The following OR10Z1 variants were observed in gnomAD, a reference collection of about 807,000 sequenced individuals.
The protein encoded by OR10Z1 is olfactory receptor 10Z1.
For synonymous variants in OR10Z1, 187 were observed against 151.2 expected, an observed-to-expected ratio of 1.24 and a Z score of -1.74; for missense variants, 468 against 371.0, an observed-to-expected ratio of 1.26 and a Z score of -2.15.
intron 1 of OR10Z1, 103 bp from the exon 2 acceptor site, chr1:158,606,223 T>C: frequency 7.0e-6 from 4 of 567,698 alleles, no homozygotes; most frequent in South Asian, 4.7e-5. Context: ...TATGTGTATA[T>C]GTACATACAG....
rs1255505810 is a variant in OR10Z1, at chr1:158,609,518, T to C, written c.*2138T>C. On this transcript the variant is annotated 3_prime_UTR_variant, in exon 2 of 2. Coordinates refer to ENST00000641002, the MANE Select transcript of OR10Z1 (RefSeq NM_001004478.2). ...CACAGTGACGAATGGTTAGTAAGGA[T>C]GTTTCAAGTATTGCTAAGTAATACT... 6.6e-6 allele frequency: 1 copy of C among 152,178 alleles called. No homozygotes were observed. The highest frequency in any genetic ancestry group is 2.4e-5 in the African/African-American group (1 of 41,448). The allele number at this position is 152,178 out of a possible 1,614,324, so 9.4% of individuals were successfully genotyped here.
In OR10Z1 at chr1:158,611,244, G is replaced by C. The variant is rs534141025; in HGVS notation, c.*3864G>C. Reference sequence around the variant, plus strand: ...TTCCCACGACACTAAGATTTTCTACGATCCACGAGGAGCTGCTTATTAGTT... The same window carrying C: ...TTCCCACGACACTAAGATTTTCTACCATCCACGAGGAGCTGCTTATTAGTT... On this transcript the variant is annotated 3_prime_UTR_variant, in exon 2 of 2. Coordinates refer to ENST00000641002, the MANE Select transcript of OR10Z1 (RefSeq NM_001004478.2). 6.2e-7 allele frequency: 1 copy of C among 1,611,282 alleles called. No homozygotes were observed. Among genetic ancestry groups the C allele is most frequent in the Non-Finnish European group, 8.5e-7 (1 of 1,178,528 alleles).
rs867313542 is a variant in OR10Z1, at chr1:158,610,923, A to C, written c.*3543A>C. The C allele has an allele frequency of 7.9e-5, 17 of 214,252 alleles. 1 individual carries two copies. In the Middle Eastern group the frequency reaches 5.6e-3, roughly 71 times the overall value. 13.3% of individuals were successfully genotyped at this position (214,252 alleles called of 1,614,324 possible). A position where few individuals can be genotyped will look rare whatever the true frequency, so the allele number is the denominator to read the frequency against. ...TTTGCCCCAAAAAATATTTTTAAAA[A>C]GAATTACTTTATTCTATAATCGGAA... On this transcript the variant is annotated 3_prime_UTR_variant, in exon 2 of 2. Coordinates refer to ENST00000641002, the MANE Select transcript of OR10Z1 (RefSeq NM_001004478.2).
Position 158,606,520 on chromosome 1 carries a change from T to C in OR10Z1, c.82T>C (p.Phe28Leu). 6.2e-7 allele frequency: 1 copy of C among 1,614,028 alleles called. No individual in the cohort carries two copies. Among genetic ancestry groups the C allele is most frequent in the Non-Finnish European group, 8.5e-7 (1 of 1,179,924 alleles). ...SSSGELQLLL[F>L]ALFLSLYLVT... ...TTCTGGGGAGTTGCAGCTCCTTCTC[T>C]TTGCCTTGTTCCTCTCTCTGTATCT... Residue 28 changes from phenylalanine (F) to leucine (L), a missense_variant, in exon 2 of 2, where the codon TTT becomes CTT. Phe to Leu is a conservative substitution (Grantham distance 22, BLOSUM62 0). Transcript: ENST00000641002.
rs150760796 is a variant in OR10Z1 at position 158,609,253 on chromosome 1, C to G, written c.*1873C>G. ...TGCTTTCAGGAAAGAAATACATCCT[C>G]TAATTGGAATTTGATGAAAACAATT... is the stretch of plus-strand genomic sequence containing the variant. On this transcript the variant is annotated 3_prime_UTR_variant, in exon 2 of 2. Coordinates refer to ENST00000641002, the MANE Select transcript of OR10Z1 (RefSeq NM_001004478.2). 1 of 152,070 alleles carries G rather than the reference C, an allele frequency of 6.6e-6. No individual in the cohort carries two copies. The highest frequency in any genetic ancestry group is 2.4e-5 in the African/African-American group (1 of 41,408). 9.4% of individuals were successfully genotyped at this position (152,070 alleles called of 1,614,324 possible).
At position 158,608,283 on chromosome 1, in the gene OR10Z1, C is replaced by T. The variant is rs377389962; in HGVS notation, c.*903C>T. The T allele has an allele frequency of 1.3e-5, 2 of 152,092 alleles. No homozygotes were observed. The highest frequency in any genetic ancestry group is 4.8e-5 in the African/African-American group (2 of 41,406). The allele number at this position is 152,092 out of a possible 1,614,324, so 9.4% of individuals were successfully genotyped here. On this transcript the variant is annotated 3_prime_UTR_variant, in exon 2 of 2. Transcript: ENST00000641002. ...TGCAGAACTATCTATTCTGCCTATT[C>T]CACTTTCCACATATAATGTGGTTAT...
At position 158,611,328 on chromosome 1, in the gene OR10Z1, C is replaced by T. The variant is rs745616202; in HGVS notation, c.*3948C>T. 26 of 1,613,752 alleles carry T rather than the reference C, an allele frequency of 1.6e-5. No individual in the cohort carries two copies. Among genetic ancestry groups the T allele is most frequent in the East Asian group, 2.2e-5 (1 of 44,872 alleles). On this transcript the variant is annotated 3_prime_UTR_variant, in exon 2 of 2. Transcript: ENST00000641002. ...ATAGCCAGAGAGATGGCTTCGACCC[C>T]GTGGGTCCATATATTGCTGCATATG...
rs1294727011 is a variant in OR10Z1, at chr1:158,611,267, G to A, written c.*3887G>A. 2 of 1,613,512 alleles carry A rather than the reference G, an allele frequency of 1.2e-6. No individual in the cohort carries two copies. Among genetic ancestry groups the A allele is most frequent in the South Asian group, 2.2e-5 (2 of 91,066 alleles). On this transcript the variant is annotated 3_prime_UTR_variant, in exon 2 of 2. Transcript: ENST00000641002. The stretch of plus-strand genomic sequence containing the variant: ...ACGATCCACGAGGAGCTGCTTATTA[G>A]TTGCCAAAGTAGGAATTGGTGAAGC...
chr1:158,611,131 G>GCACACACGCA lies in OR10Z1; in HGVS notation c.*3758_*3759insGCACACACAC. ...AAATGTAATATGCACACAAACACAA[G>GCACACACGCA]CACACACACACACACACACACACAC... On this transcript the variant is annotated 3_prime_UTR_variant, in exon 2 of 2. Coordinates refer to ENST00000641002, the MANE Select transcript of OR10Z1 (RefSeq NM_001004478.2). 1 of 670,346 alleles carries GCACACACGCA rather than the reference G, an allele frequency of 1.5e-6. No homozygotes were observed. Among genetic ancestry groups the GCACACACGCA allele is most frequent in the Non-Finnish European group, 2.5e-6 (1 of 392,794 alleles). 41.5% of individuals were successfully genotyped at this position (670,346 alleles called of 1,614,324 possible). A position where few individuals can be genotyped will look rare whatever the true frequency, so the allele number is the denominator to read the frequency against.
At position 158,606,524 on chromosome 1, in the gene OR10Z1, C is replaced by T; in HGVS notation, c.86C>T (p.Ala29Val). ...GGGGAGTTGCAGCTCCTTCTCTTTG[C>T]CTTGTTCCTCTCTCTGTATCTAGTC... ...SSGELQLLLFALFLSLYLVTL... is the reference protein window; with the variant it reads ...SSGELQLLLFVLFLSLYLVTL... Residue 29 changes from alanine to valine, a missense_variant, in exon 2 of 2, where the codon GCC becomes GTC. Transcript: ENST00000641002. 1 of 1,613,938 alleles carries T rather than the reference C, an allele frequency of 6.2e-7. No individual in the cohort carries two copies. The highest frequency in any genetic ancestry group is 1.1e-5 in the South Asian group (1 of 91,082).
At chr1:158,605,549 G>A (rs1470621487) in intron 1 of OR10Z1, 148 bp downstream of exon 1, 1 of 152,270 alleles carries the variant, frequency 6.6e-6, no homozygotes, top group Non-Finnish European at 1.5e-5. Context: ...TAGATTCACA[G>A]GTAAAAGAAG....
rs1163743882 is a variant in OR10Z1, at chr1:158,611,210, C to T, written c.*3830C>T. The T allele has an allele frequency of 2.5e-6, 4 of 1,603,992 alleles. No homozygotes were observed. Among genetic ancestry groups the T allele is most frequent in the Non-Finnish European group, 3.4e-6 (4 of 1,173,568 alleles). On this transcript the variant is annotated 3_prime_UTR_variant, in exon 2 of 2. Transcript: ENST00000641002. Reference sequence around the variant, plus strand: ...CACATTTGCCTGTACTCTTTGCCCCCCAGTAAATTTCCCACGACACTAAGA... The same window carrying T: ...CACATTTGCCTGTACTCTTTGCCCCTCAGTAAATTTCCCACGACACTAAGA...
At position 158,607,328 on chromosome 1, in the gene OR10Z1, T is replaced by C. The variant is rs749615479; in HGVS notation, c.890T>C (p.Ile297Thr). Reference sequence around the variant, plus strand: ...GTTTATAGTCTAAGGAATAGGGCTATACAGACAGCTCTGAGGAATGCTTTC... The same window carrying C: ...GTTTATAGTCTAAGGAATAGGGCTACACAGACAGCTCTGAGGAATGCTTTC... ...PIVYSLRNRAIQTALRNAFRG... is the reference protein window; with the variant it reads ...PIVYSLRNRATQTALRNAFRG... Residue 297 changes from isoleucine (I) to threonine (T), a missense_variant, in exon 2 of 2, where the codon ATA becomes ACA. Ile to Thr is a moderately conservative substitution (Grantham distance 89). Coordinates refer to ENST00000641002, the MANE Select transcript of OR10Z1 (RefSeq NM_001004478.2). 3.1e-6 allele frequency: 5 copies of C among 1,613,776 alleles called. No individual in the cohort carries two copies. The highest frequency in any genetic ancestry group is 3.3e-5 in the Admixed American group (2 of 59,996).
Position 158,611,213 on chromosome 1 carries a change from G to T in OR10Z1, c.*3833G>T. 1 of 1,604,126 alleles carries T rather than the reference G, an allele frequency of 6.2e-7. No individual in the cohort carries two copies. Among genetic ancestry groups the T allele is most frequent in the South Asian group, 1.1e-5 (1 of 90,828 alleles). ...ATTTGCCTGTACTCTTTGCCCCCCA[G>T]TAAATTTCCCACGACACTAAGATTT... On this transcript the variant is annotated 3_prime_UTR_variant, in exon 2 of 2. Transcript: ENST00000641002.
chr1:158,609,039 A>T lies in OR10Z1; in HGVS notation c.*1659A>T, dbSNP rs990164546. 6.6e-6 allele frequency: 1 copy of T among 152,122 alleles called. No homozygotes were observed. Among genetic ancestry groups the T allele is most frequent in the Non-Finnish European group, 1.5e-5 (1 of 68,008 alleles). The allele number at this position is 152,122 out of a possible 1,614,324, so 9.4% of individuals were successfully genotyped here. A position where few individuals can be genotyped will look rare whatever the true frequency, so the allele number is the denominator to read the frequency against. On this transcript the variant is annotated 3_prime_UTR_variant, in exon 2 of 2. Transcript: ENST00000641002. ...GCAAGAAACCCATGGATATCAGCTT[A>T]AAAAAAGGCAAAGAGGCTTGAATAT...
At chr1:158,605,868 T>G (rs1026044313) in intron 1 of OR10Z1, among the ~76,000 whole-genome samples, 1 of 152,200 alleles carries the variant, frequency 6.6e-6, no homozygotes, top group African/African-American at 2.4e-5. Flanking sequence ...CCCACAAAGT[T>G]CTAACAAGCA....
chr1:158,606,667 A>G lies in OR10Z1; in HGVS notation c.229A>G (p.Ile77Val), dbSNP rs1367534054. The change falls in exon 2 of 2, where the codon ATC (isoleucine) becomes GTC (valine). Residue 77 changes from isoleucine to valine, a missense_variant. Coordinates refer to ENST00000641002, the MANE Select transcript of OR10Z1 (RefSeq NM_001004478.2). ...SFSETCYTLG[I>V]IPRMLSGLAG... The stretch of plus-strand genomic sequence containing the variant: ...CTCTGAGACCTGCTACACTTTGGGC[A>G]TCATCCCTAGAATGCTCTCTGGCCT... 1.2e-6 allele frequency: 2 copies of G among 1,614,020 alleles called. No individual in the cohort carries two copies. Among genetic ancestry groups the G allele is most frequent in the Non-Finnish European group, 1.7e-6 (2 of 1,179,958 alleles).
At position 158,611,377 on chromosome 1, in the gene OR10Z1, C is replaced by T; in HGVS notation, c.*3997C>T. 2 of 1,613,622 alleles carry T rather than the reference C, an allele frequency of 1.2e-6. No individual in the cohort carries two copies. Among genetic ancestry groups the T allele is most frequent in the Non-Finnish European group, 1.7e-6 (2 of 1,179,696 alleles). On this transcript the variant is annotated 3_prime_UTR_variant, in exon 2 of 2. Coordinates refer to ENST00000641002, the MANE Select transcript of OR10Z1 (RefSeq NM_001004478.2). ...TGTGTGGCACAGAATGACACTTGCT[C>T]TGGGGTAAGGGCCTGAAAAGTATAA...
Position 158,611,352 on chromosome 1 carries a change from T to C in OR10Z1, c.*3972T>C, listed in dbSNP as rs1236283050. ...CCGTGGGTCCATATATTGCTGCATA[T>C]GTGTGGCACAGAATGACACTTGCTC... On this transcript the variant is annotated 3_prime_UTR_variant, in exon 2 of 2. Coordinates refer to ENST00000641002, the MANE Select transcript of OR10Z1 (RefSeq NM_001004478.2). 1.2e-6 allele frequency: 2 copies of C among 1,613,784 alleles called. No individual in the cohort carries two copies. Among genetic ancestry groups the C allele is most frequent in the Non-Finnish European group, 1.7e-6 (2 of 1,179,762 alleles).
Sources: allele counts gnomAD v4.1 joint callset (sites outside exome capture counted in the v4.1 genomes callset), GRCh38; gene constraint gnomAD v4.1.1; transcripts MANE v1.5; gene names NCBI Gene and HGNC (gene_info 2026-07-23, HGNC 2026-07-21).